The following CGRRF1 variants were observed in gnomAD, a reference collection of about 807,000 sequenced individuals.
CGRRF1 encodes the protein cell growth regulator with RING finger domain protein 1.
In CGRRF1, 32 loss-of-function variants were observed where a neutral mutation model predicts 37.2. The observed-to-expected ratio is 0.86, with a 90% CI of 0.65 to 1.16. The LOEUF is 1.16. Ranked by LOEUF, CGRRF1 falls within the 50% of genes most tolerant of loss-of-function variation. The probability of loss-of-function intolerance (pLI) is 0.00; values close to 1 mark genes in which losing one functional copy is unlikely to be tolerated. For synonymous variants in CGRRF1, 141 were observed against 140.3 expected (o/e 1.00, Z -0.04); for missense variants, 391 against 382.6 (o/e 1.02, Z -0.18).
chr14:54,525,885 C>T (rs1264437672), intron 2 of CGRRF1, among the ~76,000 whole-genome samples: 1 of 152,016 alleles, frequency 6.6e-6, no homozygotes, highest in Admixed American at 6.6e-5. Context: ...TCCTTGAGTC[C>T]AGGAGTTCAA....
chr14:54,533,899 A>G (rs2032560350), intron 4 of CGRRF1, among the ~76,000 whole-genome samples: 1 of 152,170 alleles, frequency 6.6e-6, no homozygotes, highest in Admixed American at 6.5e-5. Flanking sequence ...GTATTCTATC[A>G]TCCAAAAATA....
Position 54,538,050 on chromosome 14 carries a change from C to A in CGRRF1, c.679-13C>A, listed in dbSNP as rs1257848749. 2.6e-6 allele frequency: 4 copies of A among 1,566,144 alleles called. No individual in the cohort carries two copies. The highest frequency in any genetic ancestry group is 2.8e-5 in the African/African-American group (2 of 72,484). On this transcript the variant is annotated splice_polypyrimidine_tract_variant and intron_variant, in intron 5 of 5. Coordinates refer to ENST00000216420, the MANE Select transcript of CGRRF1 (RefSeq NM_006568.3). ...TTTATAATAATCTTTAAATTTATTT[C>A]TTTGATTTTCAGCAACTTTTCATGT... is the stretch of plus-strand genomic sequence containing the variant.
chr14:54,510,585 G>GTATACA, intron 1 of CGRRF1, among the ~76,000 whole-genome samples: 1 of 152,312 alleles, frequency 6.6e-6, no homozygotes, highest in East Asian at 1.9e-4. Flanking sequence ...AATGGTTTCT[G>GTATACA]TATACATTCC....
intron 2 of CGRRF1, chr14:54,523,306 G>A: frequency 6.5e-6 from 1 of 154,200 alleles, no homozygotes; most frequent in Middle Eastern, 5.2e-4. Flanking sequence ...TGGTATTTTG[G>A]TATAAATTAT....
chr14:54,525,559 G>A (rs576712290), intron 2 of CGRRF1, among the ~76,000 whole-genome samples: 2 of 152,276 alleles, frequency 1.3e-5, no homozygotes, highest in South Asian at 4.1e-4. Flanking sequence ...GGAAATAGAA[G>A]GATTTTGATA....
At chr14:54,510,272 G>A (rs1050623158) in intron 1 of CGRRF1, 10 of 574,718 alleles carry the variant, frequency 1.7e-5, no homozygotes, top group Non-Finnish European at 2.5e-5. Context: ...CGTTTGGTCC[G>A]TGTCGCTGGG....
intron 1 of CGRRF1, among the ~76,000 whole-genome samples, chr14:54,519,680 A>C (rs566079689): frequency 1.3e-5 from 2 of 152,362 alleles, no homozygotes; most frequent in East Asian, 1.9e-4. Flanking sequence ...TCCTTAGTAC[A>C]TGAAGGCTTG....
chr14:54,533,680 A>G (rs565022281), intron 4 of CGRRF1, among the ~76,000 whole-genome samples: 1 of 152,180 alleles, frequency 6.6e-6, no homozygotes, highest in Non-Finnish European at 1.5e-5. Flanking sequence ...AAAGAATTAT[A>G]TTTAGGTAGT....
At chr14:54,510,505 C>T (rs989095728) in intron 1 of CGRRF1, among the ~76,000 whole-genome samples, 2 of 152,180 alleles carry the variant, frequency 1.3e-5, no homozygotes, top group African/African-American at 2.4e-5. Flanking sequence ...GTGATTCTGA[C>T]CTGAATGGAG....
At chr14:54,524,476 C>G (rs1218106768) in intron 2 of CGRRF1, among the ~76,000 whole-genome samples, 1 of 151,474 alleles carries the variant, frequency 6.6e-6, no homozygotes, top group African/African-American at 2.4e-5. Context: ...GCCCCAATAC[C>G]CTGGGCTCAA....
At chr14:54,513,566 T>TTTATGTTATGTTATGTTATGTTATG (rs150170270) in intron 1 of CGRRF1, among the ~76,000 whole-genome samples, 1 of 146,556 alleles carries the variant, frequency 6.8e-6, no homozygotes, top group Non-Finnish European at 1.5e-5. Flanking sequence ...TGGACACAGT[T>TTTATGTTATGTTATGTTATGTTATG]TTATGTTATG....
chr14:54,511,401 C>A lies in CGRRF1; in HGVS notation c.104+1338C>A, dbSNP rs149828853. Reference sequence around the variant, plus strand: ...CCCATCAGATTTTATTGCTAATGTTCATTACACAAAAGTTTGTAATTGGAA... The same window carrying A: ...CCCATCAGATTTTATTGCTAATGTTAATTACACAAAAGTTTGTAATTGGAA... On this transcript the variant is annotated intron_variant, in intron 1 of 5. Coordinates refer to ENST00000216420, the MANE Select transcript of CGRRF1 (RefSeq NM_006568.3). Among the ~76,000 whole-genome samples, 1,336 of 152,278 alleles carry A rather than the reference C, an allele frequency of 8.8e-3. 23 individuals are homozygous for A. Among genetic ancestry groups the A allele is most frequent in the African/African-American group, 0.03 (1,247 of 41,542 alleles).
intron 1 of CGRRF1, 57 bp from the exon 2 acceptor site, chr14:54,522,397 A>G (rs937929844): frequency 1.7e-5 from 21 of 1,254,134 alleles, no homozygotes; most frequent in Non-Finnish European, 2.3e-5. Context: ...GATTTTACAC[A>G]TAACATAAAG....
chr14:54,513,755 C>T (rs1225429658), intron 1 of CGRRF1, among the ~76,000 whole-genome samples: 6 of 152,032 alleles, frequency 3.9e-5, no homozygotes, highest in African/African-American at 1.5e-4. Flanking sequence ...TGTTTGAGCC[C>T]AGAAGTTCAA....
chr14:54,532,154 TTTTTTTTA>T (rs2032526663), intron 4 of CGRRF1, among the ~76,000 whole-genome samples: 1 of 151,916 alleles, frequency 6.6e-6, no homozygotes, highest in Non-Finnish European at 1.5e-5. Context: ...TTTGAGTTTA[TTTTTTTTA>T]GCAGGAATAT....
chr14:54,528,168 C>A (rs1243388519), intron 2 of CGRRF1, among the ~76,000 whole-genome samples: 7 of 145,982 alleles, frequency 4.8e-5, no homozygotes, highest in Non-Finnish European at 4.5e-5. Context: ...AAGATCATTT[C>A]ATAATAGTGT....
At chr14:54,511,957 A>T (rs991580040) in intron 1 of CGRRF1, among the ~76,000 whole-genome samples, 1 of 152,234 alleles carries the variant, frequency 6.6e-6, no homozygotes, top group African/African-American at 2.4e-5. Flanking sequence ...CCACGTAGAT[A>T]AACTTTTTAC....
intron 4 of CGRRF1, among the ~76,000 whole-genome samples, chr14:54,531,504 T>G (rs1348487964): frequency 6.6e-6 from 1 of 152,164 alleles, no homozygotes; most frequent in Non-Finnish European, 1.5e-5. Flanking sequence ...AACAGTCTGT[T>G]GGGAAGCATG....
chr14:54,531,101 G>A, intron 4 of CGRRF1, 51 bp downstream of exon 4: 1 of 1,342,736 alleles, frequency 7.4e-7, no homozygotes, highest in African/African-American at 1.5e-5. Context: ...TTTGAATGGT[G>A]GTTCTTCATT....
Sources: allele counts gnomAD v4.1 joint callset (sites outside exome capture counted in the v4.1 genomes callset), GRCh38; gene constraint gnomAD v4.1.1; transcripts MANE v1.5; gene names NCBI Gene and HGNC (gene_info 2026-07-23, HGNC 2026-07-21).